Variants in NRXN1 observed in about 807,000 individuals in gnomAD.
NRXN1 encodes neurexin-1.
NRXN1 carries 39 observed loss-of-function variants against 150.9 expected under a neutral mutation model. The observed-to-expected ratio is 0.26, with a 90% CI of 0.20 to 0.34. The LOEUF (loss-of-function observed/expected upper bound fraction) is 0.34, where lower values mean the gene tolerates loss of function less well. NRXN1 is among the 10% of genes least tolerant of loss of function. The pLI, the probability that NRXN1 is intolerant of heterozygous loss-of-function variation, is 1.00. For missense variants in NRXN1, 1,815 were observed against 1,949.9 expected (o/e 0.93, Z 1.30); for synonymous variants, 924 against 757.0 (o/e 1.22, Z -3.62).
chr2:50,632,754 G>A (rs1682564162), intron 5 of NRXN1: 1 of 151,970 alleles, frequency 6.6e-6, no homozygotes, highest in South Asian at 2.1e-4. Flanking sequence ...TGTTCTTAAG[G>A]AATTAACATC....
chr2:50,167,354 G>A (rs1037407268), intron 18 of NRXN1, among the ~76,000 whole-genome samples: 5 of 152,008 alleles, frequency 3.3e-5, no homozygotes, highest in South Asian at 2.1e-4. Context: ...AAATCCTCTC[G>A]CTCAACATGA....
At chr2:50,879,315 C>CT (rs1183601173) in intron 5 of NRXN1, among the ~76,000 whole-genome samples, 1 of 151,898 alleles carries the variant, frequency 6.6e-6, no homozygotes, top group African/African-American at 2.4e-5. Context: ...ACATGAGCCA[C>CT]TTTCTTAAAA....
chr2:50,794,453 C>G (rs1028286706), intron 5 of NRXN1, among the ~76,000 whole-genome samples: 15 of 152,100 alleles, frequency 9.9e-5, no homozygotes, highest in African/African-American at 3.6e-4. Flanking sequence ...CCACTCAACA[C>G]ATTCAGGCAA....
At chr2:49,991,972 G>T (rs955225881) in intron 21 of NRXN1, among the ~76,000 whole-genome samples, 2 of 152,146 alleles carry the variant, frequency 1.3e-5, no homozygotes, top group African/African-American at 4.8e-5. Context: ...TAGAGCAAAG[G>T]TTACATAATA....
intron 2 of NRXN1, among the ~76,000 whole-genome samples, chr2:50,937,135 A>G (rs767365162): frequency 2.6e-4 from 39 of 152,290 alleles, no homozygotes; most frequent in Non-Finnish European, 2.6e-4. Context: ...GGCACACAGC[A>G]AAAGAATGTA....
chr2:50,974,360 C>G (rs1156861443), intron 2 of NRXN1, among the ~76,000 whole-genome samples: 1 of 152,066 alleles, frequency 6.6e-6, no homozygotes, highest in African/African-American at 2.4e-5. Context: ...AGAAAGAAAC[C>G]AGTACCTGGG....
chr2:50,302,639 G>A lies in NRXN1; in HGVS notation c.3365-65669C>T, dbSNP rs567795447. On this transcript the variant is annotated intron_variant, in intron 17 of 22. Transcript: ENST00000401669. ...CAACTTTAGCTCTTATATAAATGTGGCATTTTAAAATAAACATTCTCCCAA... is the reference window on the plus strand; with the variant it reads ...CAACTTTAGCTCTTATATAAATGTGACATTTTAAAATAAACATTCTCCCAA... 9.2e-4 allele frequency among the ~76,000 whole-genome samples: 140 copies of A among 152,200 alleles called. 2 individuals are homozygous for A. Among genetic ancestry groups the A allele is most frequent in the African/African-American group, 3.2e-3 (134 of 41,552 alleles).
chr2:50,502,483 A>AAC (rs893192221), intron 13 of NRXN1, among the ~76,000 whole-genome samples: 19 of 151,438 alleles, frequency 1.3e-4, no homozygotes, highest in Admixed American at 6.6e-5. Flanking sequence ...CAGACACACA[A>AAC]ACACACACAC....
chr2:49,985,159 T>A (rs889482231), intron 21 of NRXN1, among the ~76,000 whole-genome samples: 1 of 152,152 alleles, frequency 6.6e-6, no homozygotes, highest in Non-Finnish European at 1.5e-5. Flanking sequence ...AAAATTTCCA[T>A]AAGGTATCAA....
chr2:50,316,582 G>T (rs559334456), intron 17 of NRXN1, among the ~76,000 whole-genome samples: 46 of 152,038 alleles, frequency 3.0e-4, no homozygotes, highest in African/African-American at 9.9e-4. Flanking sequence ...CAACAAAGCA[G>T]ATTTTATAAC....
intron 2 of NRXN1, among the ~76,000 whole-genome samples, chr2:50,954,718 C>T (rs951463538): frequency 6.6e-6 from 1 of 152,186 alleles, no homozygotes; most frequent in African/African-American, 2.4e-5. Flanking sequence ...AGCTTACTTC[C>T]AGTTCTTTAT....
chr2:50,769,165 G>A (rs3850331), intron 5 of NRXN1, among the ~76,000 whole-genome samples: 2,342 of 152,060 alleles, frequency 0.015, 62 homozygotes, highest in African/African-American at 0.053. Context: ...CTTAAGACAC[G>A]CTCCTTTGTC....
chr2:50,283,377 A>G (rs993807268), intron 17 of NRXN1, among the ~76,000 whole-genome samples: 2 of 152,208 alleles, frequency 1.3e-5, no homozygotes, highest in African/African-American at 4.8e-5. Context: ...TGCTTAAGAA[A>G]TAATGAGGAG....
chr2:50,218,704 T>G (rs1013618703), intron 18 of NRXN1, among the ~76,000 whole-genome samples: 1 of 151,944 alleles, frequency 6.6e-6, no homozygotes, highest in Admixed American at 6.6e-5. Flanking sequence ...TTAGAGTATC[T>G]TTAGTCTTTG....
intron 17 of NRXN1, among the ~76,000 whole-genome samples, chr2:50,350,914 T>A (rs887765774): frequency 6.6e-6 from 1 of 152,296 alleles, no homozygotes; most frequent in African/African-American, 2.4e-5. Context: ...CTAGGGCACC[T>A]TTGCAATACT....
chr2:50,330,510 T>C (rs926923451), intron 17 of NRXN1, among the ~76,000 whole-genome samples: 4 of 152,068 alleles, frequency 2.6e-5, no homozygotes, highest in African/African-American at 9.7e-5. Context: ...AGAATGTCCT[T>C]CCTCCCAATA....
rs112513354 is a variant in NRXN1 at position 49,998,064 on chromosome 2, T to C, written c.4129-54273A>G. On this transcript the variant is annotated intron_variant, in intron 21 of 22. Transcript: ENST00000401669. ...TTCCCAACAGAAATGCCATGATGTT[T>C]AGCCATCAAGCAGAAATTTCAGGGA... Among the ~76,000 whole-genome samples the C allele has an allele frequency of 5.8e-4, 89 of 152,248 alleles. 2 individuals are homozygous for C. Among genetic ancestry groups the C allele is most frequent in the African/African-American group, 2.0e-3 (85 of 41,564 alleles).
intron 17 of NRXN1, among the ~76,000 whole-genome samples, chr2:50,258,567 G>T (rs1047351299): frequency 1.3e-5 from 2 of 151,930 alleles, no homozygotes; most frequent in African/African-American, 4.8e-5. Context: ...ATCTATGAAG[G>T]TTGAAATCAA....
intron 18 of NRXN1, among the ~76,000 whole-genome samples, chr2:50,219,976 A>T (rs1391932452): frequency 0.017 from 734 of 44,430 alleles, 17 homozygotes; most frequent in Non-Finnish European, 0.022. Flanking sequence ...TATATATATA[A>T]TATATATATT....
Sources: allele counts gnomAD v4.1 joint callset (sites outside exome capture counted in the v4.1 genomes callset), GRCh38; gene constraint gnomAD v4.1.1; transcripts MANE v1.5; gene names NCBI Gene and HGNC (gene_info 2026-07-23, HGNC 2026-07-21).